The following CRAT variants were observed in gnomAD, a reference collection of about 807,000 sequenced individuals.
CRAT encodes carnitine acetylase.
Under a neutral mutation model 73.7 loss-of-function variants are expected in CRAT, and 66 were observed. That is an observed-to-expected ratio of 0.90 (90% confidence interval 0.73 to 1.10). The LOEUF (loss-of-function observed/expected upper bound fraction) is 1.10, where lower values mean the gene tolerates loss of function less well. Ranked by LOEUF, CRAT falls within the 50% of genes least tolerant of loss-of-function variation. The pLI, the probability that CRAT is intolerant of heterozygous loss-of-function variation, is 0.00. For synonymous variants in CRAT, 321 were observed against 343.2 expected (o/e 0.94, Z 0.71); for missense variants, 745 against 846.9 (o/e 0.88, Z 1.49).
intron 1 of CRAT, chr9:129,108,399 C>T (rs41276750): frequency 8.8e-5 from 105 of 1,193,178 alleles, no homozygotes; most frequent in Non-Finnish European, 1.1e-4. Flanking sequence ...CAGGCCCCTC[C>T]TTTCTCACCC....
chr9:129,100,384 C>T, intron 7 of CRAT, 127 bp downstream of exon 7: 1 of 1,193,628 alleles, frequency 8.4e-7, no homozygotes, highest in African/African-American at 1.5e-5. Context: ...GTCCAGCCTG[C>T]TGGCTTCCTG....
Position 129,096,142 on chromosome 9 carries a change from G to T in CRAT, c.1528-7C>A. 1 of 1,612,344 alleles carries T rather than the reference G, an allele frequency of 6.2e-7. No homozygotes were observed. On this transcript the variant is annotated splice_region_variant and splice_polypyrimidine_tract_variant and intron_variant, in intron 12 of 13. Transcript: ENST00000318080. ...AGGCCTCCCCGCGGATGGCCTGTTG[G>T]GGTGGGAGAGCTGTCAGGAGCAGGG...
In CRAT at chr9:129,095,400, G is replaced by T; in HGVS notation, c.1878C>A (p.Leu626=). Residue 626 remains leucine, a synonymous_variant, in exon 14 of 14, where the codon CTC becomes CTA. Transcript: ENST00000318080. ...ALLQSHPRAK[L] ...GGCAGGCCTGAGTCCTAGGGGCTCA[G>T]AGCTTGGCCCGGGGGTGGCTCTGCA... is the stretch of plus-strand genomic sequence containing the variant. 6.2e-7 allele frequency: 1 copy of T among 1,610,396 alleles called. No homozygotes were observed. Among genetic ancestry groups the T allele is most frequent in the South Asian group, 1.1e-5 (1 of 91,034 alleles).
Position 129,107,586 on chromosome 9 carries a change from A to G in CRAT, c.291+228T>C, listed in dbSNP as rs1284049414. ...CCTGGAACATGAAACCTTGTCCACA[A>G]CCTGTATCCTGTTCATTACCTTTCT... On this transcript the variant is annotated intron_variant, in intron 2 of 13. Transcript: ENST00000318080. This position sits in a 1 kb window ranked among gnomAD's most constrained non-coding sequence, Gnocchi z 5.0. 2.8e-6 allele frequency: 2 copies of G among 716,234 alleles called. No homozygotes were observed. The highest frequency in any genetic ancestry group is 2.7e-5 in the East Asian group (1 of 37,028). 44.4% of individuals were successfully genotyped at this position (716,234 alleles called of 1,614,324 possible). A position where few individuals can be genotyped will look rare whatever the true frequency, so the allele number is the denominator to read the frequency against.
In CRAT at chr9:129,096,025, G is replaced by A. The variant is rs1170064697; in HGVS notation, c.1638C>T (p.Ala546=). 1 of 1,613,938 alleles carries A rather than the reference G, an allele frequency of 6.2e-7. No individual in the cohort carries two copies. The highest frequency in any genetic ancestry group is 1.3e-5 in the African/African-American group (1 of 74,940). ...DIFMDTSYAI[A]MHFHLSTSQV... Reference sequence around the variant, plus strand: ...GGCTGGTGGAGAGGTGGAAGTGCATGGCGATGGCGTAGGAGGTGTCCATGA... The same window carrying A: ...GGCTGGTGGAGAGGTGGAAGTGCATAGCGATGGCGTAGGAGGTGTCCATGA... The change falls in exon 13 of 14, where the codon GCC becomes GCT. Residue 546 remains alanine (A), a synonymous_variant. Coordinates refer to ENST00000318080, the MANE Select transcript of CRAT (RefSeq NM_000755.5).
chr9:129,097,994 C>G lies in CRAT; in HGVS notation c.1464+19G>C. 1 of 1,609,982 alleles carries G rather than the reference C, an allele frequency of 6.2e-7. No individual in the cohort carries two copies. The highest frequency in any genetic ancestry group is 8.5e-7 in the Non-Finnish European group (1 of 1,178,108). The stretch of plus-strand genomic sequence containing the variant: ...GGGGCTCAGGCCCAGCTCACCCACC[C>G]TCGCCCCAGACCTCTCACCGTGACG... On this transcript the variant is annotated intron_variant, in intron 11 of 13. Transcript: ENST00000318080.
chr9:129,104,450 C>G (rs1339635206), intron 2 of CRAT, 144 bp from the exon 3 acceptor site: 11 of 620,544 alleles, frequency 1.8e-5, no homozygotes, highest in Non-Finnish European at 3.2e-5. Flanking sequence ...CCAGAACCCA[C>G]CCTCCCTGCC....
chr9:129,099,907 C>A lies in CRAT; in HGVS notation c.1044G>T (p.Gly348=). The change falls in exon 8 of 14, where the codon GGG becomes GGT. Residue 348 remains glycine, a synonymous_variant. Coordinates refer to ENST00000318080, the MANE Select transcript of CRAT (RefSeq NM_000755.5). ...AGTCCAGAAGGGTGACAATAGGGGG[C>A]CCCTCCGCTGCAGCATGCTCGTACA... ...GLVYEHAAAE[G]PPIVTLLDYV... 6.2e-7 allele frequency: 1 copy of A among 1,613,712 alleles called. No individual in the cohort carries two copies. Among genetic ancestry groups the A allele is most frequent in the Non-Finnish European group, 8.5e-7 (1 of 1,179,938 alleles).
In CRAT at chr9:129,106,599, C is replaced by G. The variant is rs1848029583; in HGVS notation, c.291+1215G>C. Among the ~76,000 whole-genome samples the G allele has an allele frequency of 2.0e-5, 3 of 152,132 alleles. No individual in the cohort carries two copies. The highest frequency in any genetic ancestry group is 2.1e-4 in the South Asian group (1 of 4,826). ...AATGAAGTCGGAAAACCACCAGCCC[C>G]CAGACGCTCTAAGGACCTTTCGGGG... is the stretch of plus-strand genomic sequence containing the variant. On this transcript the variant is annotated intron_variant, in intron 2 of 13. Transcript: ENST00000318080. This position sits in a 1 kb window ranked among gnomAD's most constrained non-coding sequence, Gnocchi z 4.0.
rs1434555148 is a variant in CRAT at position 129,098,354 on chromosome 9, T to C, written c.1223A>G (p.Asp408Gly). Residue 408 changes from aspartate (D) to glycine (G), a missense_variant, in exon 10 of 14, where the codon GAT (aspartate) becomes GGT (glycine). Asp to Gly is a moderately conservative substitution (Grantham distance 94). Coordinates refer to ENST00000318080, the MANE Select transcript of CRAT (RefSeq NM_000755.5). ...QNLSIMIQDLDITVMVFHHFG... is the reference protein window; with the variant it reads ...QNLSIMIQDLGITVMVFHHFG... ...ATGGTGGAACACCATCACGGTGATA[T>C]CCAGGTCCTGGATCATGCTGGGGGT... 6.2e-7 allele frequency: 1 copy of C among 1,613,886 alleles called. No individual in the cohort carries two copies. The highest frequency in any genetic ancestry group is 8.5e-7 in the Non-Finnish European group (1 of 1,180,034).
rs1588437606 is a variant in CRAT at position 129,095,200 on chromosome 9, G to A, written c.*197C>T. 4.7e-6 allele frequency: 3 copies of A among 632,222 alleles called. No individual in the cohort carries two copies. The East Asian group carries it at 8.3e-5, about 17-fold the overall frequency. 39.2% of individuals were successfully genotyped at this position (632,222 alleles called of 1,614,324 possible). On this transcript the variant is annotated 3_prime_UTR_variant, in exon 14 of 14. Transcript: ENST00000318080. ...CTCAGCCCCAGGTCGGGCCCTGGCA[G>A]GTGCTGGGATGACCCACGGAAGGCA...
chr9:129,102,541 C>CA lies in CRAT; in HGVS notation c.488dup (p.Lys166GlufsTer48). The CA allele has an allele frequency of 6.2e-7, 1 of 1,614,084 alleles. No homozygotes were observed. On this transcript the variant is annotated frameshift_variant, in exon 5 of 14. Coordinates refer to ENST00000318080, the MANE Select transcript of CRAT (RefSeq NM_000755.5). LOFTEE classifies it high-confidence loss of function. ...GGTTCATGCACAGTGGCTTCCCCCC[C>CA]AGGTACTCCACGGGCAGGGTCTCGC...
chr9:129,101,385 A>G (rs892925234), intron 6 of CRAT, among the ~76,000 whole-genome samples: 23 of 152,158 alleles, frequency 1.5e-4, no homozygotes, highest in Non-Finnish European at 1.2e-4. Flanking sequence ...AAAGCCTACT[A>G]ATTGCCATCA....
chr9:129,099,778 T>C lies in CRAT; in HGVS notation c.1085+88A>G, dbSNP rs982866389. ...ACAGATTCCCAGGCACAAAGGAGAG[T>C]GATATTTCTCTATAAGCTGGTCTAT... is the stretch of plus-strand genomic sequence containing the variant. On this transcript the variant is annotated intron_variant, in intron 8 of 13. Transcript: ENST00000318080. 4 of 1,025,092 alleles carry C rather than the reference T, an allele frequency of 3.9e-6. No homozygotes were observed. The African/African-American group carries it at 4.8e-5, about 12-fold the overall frequency. 63.5% of individuals were successfully genotyped at this position (1,025,092 alleles called of 1,614,324 possible).
chr9:129,102,130 A>G, intron 5 of CRAT, 73 bp from the exon 6 acceptor site: 1 of 1,504,930 alleles, frequency 6.6e-7, no homozygotes, highest in Non-Finnish European at 9.0e-7. Flanking sequence ...ACCTCCCCAC[A>G]CCTGCCTCCT....
chr9:129,102,333 C>T, intron 5 of CRAT, 67 bp downstream of exon 5: 1 of 1,595,956 alleles, frequency 6.3e-7, no homozygotes, highest in East Asian at 2.2e-5. Flanking sequence ...GGGAAGCCGA[C>T]TGCGGCCGTC....
chr9:129,108,654 G>A (rs931097403), intron 1 of CRAT: 23 of 1,226,846 alleles, frequency 1.9e-5, no homozygotes, highest in Middle Eastern at 3.4e-4. Flanking sequence ...GGTGAGAGGC[G>A]GCAGAGAGAG....
rs929240694 is a variant in CRAT at position 129,097,385 on chromosome 9, C to A, written c.1465-73G>T. The A allele has an allele frequency of 5.9e-6, 7 of 1,180,990 alleles. No homozygotes were observed. In the East Asian group the frequency reaches 8.0e-5, roughly 14 times the overall value. 73.2% of individuals were successfully genotyped at this position (1,180,990 alleles called of 1,614,324 possible). On this transcript the variant is annotated intron_variant, in intron 11 of 13. Coordinates refer to ENST00000318080, the MANE Select transcript of CRAT (RefSeq NM_000755.5). Reference sequence around the variant, plus strand: ...CTGGCCCACCTCAGTAGCCCACCCCCACCCAGCACTAGATTCTGAGCTCTT... The same window carrying A: ...CTGGCCCACCTCAGTAGCCCACCCCAACCCAGCACTAGATTCTGAGCTCTT...
At position 129,104,297 on chromosome 9, in the gene CRAT, A is replaced by G; in HGVS notation, c.301T>C (p.Trp101Arg). 6.2e-7 allele frequency: 1 copy of G among 1,613,168 alleles called. No homozygotes were observed. Among genetic ancestry groups the G allele is most frequent in the Non-Finnish European group, 8.5e-7 (1 of 1,179,500 alleles). ...TGGAGGTAGGCGGTCTTGAGCCACC[A>G]CTCAGACAGCTGGGAAAAGTGCCAG... is the stretch of plus-strand genomic sequence containing the variant. The part of the protein sequence containing the change: ...ARKTENWLSE[W>R]WLKTAYLQYR... The change falls in exon 3 of 14, where the codon TGG becomes CGG. Residue 101 changes from tryptophan (W) to arginine (R), a missense_variant. Trp to Arg is a moderately radical substitution (Grantham distance 101). Transcript: ENST00000318080.
Sources: allele counts gnomAD v4.1 joint callset (sites outside exome capture counted in the v4.1 genomes callset), GRCh38; gene constraint gnomAD v4.1.1; non-coding constraint Gnocchi (gnomAD v3.1); transcripts MANE v1.5; gene names NCBI Gene and HGNC (gene_info 2026-07-23, HGNC 2026-07-21).